MCU: variants seen among roughly 807,000 people sequenced by gnomAD.
The protein encoded by MCU is calcium uniporter protein, mitochondrial.
Under a neutral mutation model 45.2 loss-of-function variants are expected in MCU, and 12 were observed. The ratio of observed to expected loss-of-function variants is 0.27; its 90% confidence interval spans 0.17 to 0.43. The LOEUF is 0.43. MCU is among the 20% of genes least tolerant of loss of function. MCU has a pLI of 1.00. For synonymous variants in MCU, 160 were observed against 165.1 expected (o/e 0.97, Z 0.24); for missense variants, 324 against 436.7 (o/e 0.74, Z 2.30).
intron 2 of MCU, among the ~76,000 whole-genome samples, chr10:72,852,646 A>G (rs1220620127): frequency 1.3e-5 from 2 of 152,184 alleles, no homozygotes; most frequent in African/African-American, 4.8e-5. Flanking sequence ...CAGAGAGGGG[A>G]AACAGAGCTT....
At chr10:72,782,686 A>T (rs1179744374) in intron 1 of MCU, among the ~76,000 whole-genome samples, 2 of 152,196 alleles carry the variant, frequency 1.3e-5, no homozygotes, top group South Asian at 4.1e-4. Flanking sequence ...TTAAAAATCA[A>T]ACTGAATTTC....
chr10:72,735,260 G>A (rs1843237566), intron 1 of MCU, among the ~76,000 whole-genome samples: 1 of 151,912 alleles, frequency 6.6e-6, no homozygotes, highest in Non-Finnish European at 1.5e-5. Context: ...AAAGTGTGTT[G>A]GGTTTTTTTT....
intron 2 of MCU, among the ~76,000 whole-genome samples, chr10:72,834,791 A>G (rs913710613): frequency 6.6e-6 from 1 of 152,134 alleles, no homozygotes; most frequent in Non-Finnish European, 1.5e-5. Context: ...CCTCCCAAGC[A>G]GCTGGGACCA....
chr10:72,716,841 C>A (rs1285972148), intron 1 of MCU, among the ~76,000 whole-genome samples: 1 of 152,070 alleles, frequency 6.6e-6, no homozygotes, highest in Non-Finnish European at 1.5e-5. Context: ...CCATTGTACT[C>A]CAGCCTGGAT....
At chr10:72,796,256 T>C (rs1326012127) in intron 1 of MCU, among the ~76,000 whole-genome samples, 4 of 151,962 alleles carry the variant, frequency 2.6e-5, no homozygotes, top group East Asian at 1.9e-4. Context: ...CTGGCCAACA[T>C]AGTGAGACCC....
chr10:72,859,791 T>C (rs1589500402), intron 3 of MCU, among the ~76,000 whole-genome samples: 1 of 152,328 alleles, frequency 6.6e-6, no homozygotes, highest in South Asian at 2.1e-4. Context: ...TTTATGTATT[T>C]AATTTATTTA....
intron 1 of MCU, among the ~76,000 whole-genome samples, chr10:72,745,644 CTTGT>C (rs768489974): frequency 6.6e-6 from 1 of 152,072 alleles, no homozygotes; most frequent in Non-Finnish European, 1.5e-5. Context: ...AGCCTTTTTT[CTTGT>C]TTGTTTTTTC....
intron 2 of MCU, among the ~76,000 whole-genome samples, chr10:72,839,963 CAAAAAAAAAAAA>C (rs34053459): frequency 2.6e-5 from 2 of 76,314 alleles, no homozygotes; most frequent in Non-Finnish European, 4.7e-5. Context: ...GACTCCGTCT[CAAAAAAAAAAAA>C]AAAAAAAAAA....
chr10:72,713,998 G>A (rs1376938714), intron 1 of MCU, among the ~76,000 whole-genome samples: 3 of 136,138 alleles, frequency 2.2e-5, no homozygotes, highest in South Asian at 4.8e-4. Context: ...TTGGAGTCTC[G>A]CTTTGTCGTC....
intron 1 of MCU, among the ~76,000 whole-genome samples, chr10:72,776,266 A>G (rs1298218810): frequency 6.6e-6 from 1 of 152,182 alleles, no homozygotes; most frequent in Admixed American, 6.5e-5. Context: ...ACCCAAGAAA[A>G]GAAGAAAAGT....
intron 2 of MCU, among the ~76,000 whole-genome samples, chr10:72,845,680 T>C (rs1845110139): frequency 6.6e-6 from 1 of 152,192 alleles, no homozygotes; most frequent in South Asian, 2.1e-4. Context: ...TTTGTAAATA[T>C]TATCTATGAT....
intron 3 of MCU, 123 bp from the exon 4 acceptor site, chr10:72,860,300 A>G: frequency 1.3e-6 from 1 of 788,664 alleles, no homozygotes; most frequent in South Asian, 1.8e-5. Context: ...AAATGAGGCA[A>G]AAAGTTAACT....
chr10:72,837,285 T>G (rs1844968782), intron 2 of MCU, among the ~76,000 whole-genome samples: 1 of 151,894 alleles, frequency 6.6e-6, no homozygotes, highest in Non-Finnish European at 1.5e-5. Context: ...ACATAGGAAA[T>G]TTTGCATACA....
intron 1 of MCU, among the ~76,000 whole-genome samples, chr10:72,831,446 T>C (rs143174687): frequency 6.6e-6 from 1 of 152,192 alleles, no homozygotes; most frequent in Non-Finnish European, 1.5e-5. Flanking sequence ...TGTTACAGTA[T>C]ATTTTATATA....
intron 1 of MCU, among the ~76,000 whole-genome samples, chr10:72,767,704 A>G (rs2132731525): frequency 6.6e-6 from 1 of 152,222 alleles, no homozygotes; most frequent in East Asian, 1.9e-4. Context: ...AAGGGACAGA[A>G]ATTAAGGATT....
chr10:72,739,696 G>A (rs1196983974), intron 1 of MCU, among the ~76,000 whole-genome samples: 1 of 151,162 alleles, frequency 6.6e-6, no homozygotes, highest in Non-Finnish European at 1.5e-5. Flanking sequence ...AGAACATTAA[G>A]ATTTTTTTTT....
chr10:72,884,419 A>T (rs965307123), intron 7 of MCU, 37 bp downstream of exon 7: 1 of 1,145,646 alleles, frequency 8.7e-7, no homozygotes, highest in Non-Finnish European at 1.3e-6. Flanking sequence ...TCCCAGCCCT[A>T]TCTTGCATGG....
intron 1 of MCU, among the ~76,000 whole-genome samples, chr10:72,810,826 A>G (rs916646885): frequency 1.3e-5 from 2 of 152,006 alleles, no homozygotes; most frequent in East Asian, 1.9e-4. Context: ...GCCTTGCTTT[A>G]TCCCACAGCA....
At chr10:72,882,896 C>T (rs1031560053) in intron 6 of MCU, among the ~76,000 whole-genome samples, 5 of 152,140 alleles carry the variant, frequency 3.3e-5, no homozygotes, top group Non-Finnish European at 5.9e-5. Context: ...TGATGTCCCC[C>T]CCGGATGCCC....
Sources: gnomAD v4.1 joint callset for allele counts (sites outside exome capture counted in the v4.1 genomes callset) on GRCh38, gnomAD v4.1.1 for gene constraint, MANE v1.5 for transcripts, NCBI Gene and HGNC (gene_info 2026-07-23, HGNC 2026-07-21) for gene names.